The following ISY1 variants were observed in gnomAD, a reference collection of about 807,000 sequenced individuals.
The protein encoded by ISY1 is pre-mRNA-splicing factor ISY1 homolog.
Under a neutral mutation model 54.4 loss-of-function variants are expected in ISY1, and 12 were observed. The ratio of observed to expected loss-of-function variants is 0.22; its 90% CI spans 0.14 to 0.36. The LOEUF is 0.36. Ranked by LOEUF, ISY1 falls within the 10% of genes least tolerant of loss-of-function variation. ISY1 has a pLI of 1.00. For missense variants in ISY1, 282 were observed against 342.2 expected, an observed-to-expected ratio of 0.82 and a Z score of 1.39; for synonymous variants, 96 against 117.9, an observed-to-expected ratio of 0.81 and a Z score of 1.20.
chr3:129,144,284 AC>A, intron 6 of ISY1: 1 of 321,408 alleles, frequency 3.1e-6, no homozygotes, highest in South Asian at 2.6e-5. Context: ...TAGGCAAGAC[AC>A]CCAAGAGAAG....
chr3:129,154,816 G>A (rs1937088098), intron 5 of ISY1, among the ~76,000 whole-genome samples: 1 of 151,266 alleles, frequency 6.6e-6, no homozygotes, highest in Non-Finnish European at 1.5e-5. Context: ...AGCCTCCCAA[G>A]TAGCTGGGAT....
chr3:129,149,788 CAAA>C (rs369302599), intron 5 of ISY1, among the ~76,000 whole-genome samples: 1 of 83,574 alleles, frequency 1.2e-5, no homozygotes, highest in Non-Finnish European at 2.2e-5. Context: ...GACTCCAACT[CAAA>C]AAAAAAAAAA....
chr3:129,147,584 C>A (rs1468638939), intron 5 of ISY1, among the ~76,000 whole-genome samples: 3 of 152,092 alleles, frequency 2.0e-5, no homozygotes, highest in African/African-American at 7.2e-5. Context: ...AAAGCCAAGG[C>A]ATCTTGGAGA....
intron 6 of ISY1, among the ~76,000 whole-genome samples, chr3:129,142,852 C>T (rs1460032459): frequency 2.6e-5 from 4 of 152,134 alleles, no homozygotes; most frequent in African/African-American, 9.7e-5. Context: ...GTAGGGAGTT[C>T]GAGACCAGCC....
At position 129,134,466 on chromosome 3, in the gene ISY1, G is replaced by T. The variant is rs537885149; in HGVS notation, c.542-271C>A. 6.6e-5 allele frequency among the ~76,000 whole-genome samples: 10 copies of T among 152,316 alleles called. No homozygotes were observed. The South Asian group carries it at 1.9e-3, about 28-fold the overall frequency. On this transcript the variant is annotated intron_variant, in intron 8 of 10. Transcript: ENST00000393295. ...GAGTGGATTCCCAACATGTCCACAT[G>T]AAAAGAGAGAAGGCAGGGGCAGAGC...
chr3:129,154,456 A>AAC (rs1560022674), intron 5 of ISY1, among the ~76,000 whole-genome samples: 8 of 148,894 alleles, frequency 5.4e-5, no homozygotes, highest in Admixed American at 1.3e-4. Context: ...AAAAAAAAAA[A>AAC]AAAAAAAGGA....
chr3:129,130,995 T>C (rs1023100528), intron 9 of ISY1, among the ~76,000 whole-genome samples: 2 of 152,260 alleles, frequency 1.3e-5, no homozygotes, highest in African/African-American at 4.8e-5. Context: ...TGTAAAAGAA[T>C]GTACCATGCA....
chr3:129,151,485 C>G (rs193112745), intron 5 of ISY1, among the ~76,000 whole-genome samples: 1 of 151,488 alleles, frequency 6.6e-6, no homozygotes, highest in Admixed American at 6.6e-5. Context: ...AAAAATTGGC[C>G]GGGCATGGTG....
At position 129,130,030 on chromosome 3, in the gene ISY1, T is replaced by C; in HGVS notation, c.*51A>G. ...AGCCTGTGTCTGCAGCCCTGGGTCC[T>C]GAGGTACCACTGGGGGATGGAAGAA... On this transcript the variant is annotated 3_prime_UTR_variant, in exon 11 of 11. Coordinates refer to ENST00000393295, the MANE Select transcript of ISY1 (RefSeq NM_020701.4). 1.4e-6 allele frequency: 2 copies of C among 1,432,040 alleles called. No individual in the cohort carries two copies. The highest frequency in any genetic ancestry group is 1.4e-5 in the South Asian group (1 of 72,752). 88.7% of individuals were successfully genotyped at this position (1,432,040 alleles called of 1,614,324 possible).
intron 1 of ISY1, 116 bp from the exon 2 acceptor site, chr3:129,159,292 G>T: frequency 7.5e-7 from 1 of 1,334,830 alleles, no homozygotes; most frequent in Non-Finnish European, 1.0e-6. Context: ...ACCACTTGAA[G>T]TACTATATGA....
Position 129,127,731 on chromosome 3 carries a change from C to G in ISY1, c.*2350G>C, listed in dbSNP as rs1252923850. On this transcript the variant is annotated 3_prime_UTR_variant, in exon 11 of 11. Coordinates refer to ENST00000393295, the MANE Select transcript of ISY1 (RefSeq NM_020701.4). ...TCTAATCCCTGGCCAGTTTGCATCC[C>G]GGGGATCCCTGAAGAGATCCCAGGA... 1 of 152,378 alleles carries G rather than the reference C, an allele frequency of 6.6e-6. No individual in the cohort carries two copies. Among genetic ancestry groups the G allele is most frequent in the Non-Finnish European group, 1.5e-5 (1 of 68,132 alleles). 9.4% of individuals were successfully genotyped at this position (152,378 alleles called of 1,614,324 possible).
At position 129,127,614 on chromosome 3, in the gene ISY1, C is replaced by A. The variant is rs1490889862; in HGVS notation, c.*2467G>T. ...TAGGACCCTCTAGGGCCTTTGGGCA[C>A]AGACAAGTAGCAAGGGCCTCTGCCA... On this transcript the variant is annotated 3_prime_UTR_variant, in exon 11 of 11. Coordinates refer to ENST00000393295, the MANE Select transcript of ISY1 (RefSeq NM_020701.4). 15 of 152,250 alleles carry A rather than the reference C, an allele frequency of 9.9e-5. No individual in the cohort carries two copies. The highest frequency in any genetic ancestry group is 9.8e-4 in the Admixed American group (15 of 15,276). The allele number at this position is 152,250 out of a possible 1,614,324, so 9.4% of individuals were successfully genotyped here. A position where few individuals can be genotyped will look rare whatever the true frequency, so the allele number is the denominator to read the frequency against.
At chr3:129,133,036 C>T (rs1007512917) in intron 9 of ISY1, among the ~76,000 whole-genome samples, 2 of 152,186 alleles carry the variant, frequency 1.3e-5, no homozygotes, top group African/African-American at 4.8e-5. Flanking sequence ...ATCAGATCCA[C>T]CTAGACCTGT....
At chr3:129,137,726 C>CCGG (rs1441883089) in intron 7 of ISY1, among the ~76,000 whole-genome samples, 3 of 144,010 alleles carry the variant, frequency 2.1e-5, no homozygotes, top group Non-Finnish European at 4.6e-5. Context: ...CTGGCTAACA[C>CCGG]GGTGAAACCC....
At chr3:129,134,805 T>A in intron 8 of ISY1, 27 bp downstream of exon 8, 2 of 1,589,086 alleles carry the variant, frequency 1.3e-6, no homozygotes, top group Non-Finnish European at 1.7e-6. Flanking sequence ...TGCCATCTAT[T>A]ATGAAATAAA....
chr3:129,151,188 TA>T (rs1207245084), intron 5 of ISY1, among the ~76,000 whole-genome samples: 1 of 147,520 alleles, frequency 6.8e-6, no homozygotes, highest in African/African-American at 2.5e-5. Context: ...TATAAATATA[TA>T]AAAATATATA....
At chr3:129,144,537 A>G (rs1241942254) in intron 6 of ISY1, among the ~76,000 whole-genome samples, 1 of 152,246 alleles carries the variant, frequency 6.6e-6, no homozygotes, top group Admixed American at 6.5e-5. Context: ...TCTCATCACA[A>G]AAGTGTGAAC....
In ISY1 at chr3:129,130,681, G is replaced by C. The variant is rs754955251; in HGVS notation, c.664-45C>G. The C allele has an allele frequency of 2.5e-6, 4 of 1,603,622 alleles. No individual in the cohort carries two copies. The Admixed American group carries it at 6.8e-5, about 27-fold the overall frequency. On this transcript the variant is annotated intron_variant, in intron 9 of 10. Coordinates refer to ENST00000393295, the MANE Select transcript of ISY1 (RefSeq NM_020701.4). ...AAGTCCATCAGTAGGCGCCCAGCTA[G>C]ATAAATGCTGGCAACTCTATAAAAC... is the stretch of plus-strand genomic sequence containing the variant.
intron 1 of ISY1, among the ~76,000 whole-genome samples, chr3:129,160,344 G>C (rs1267228923): frequency 1.3e-5 from 2 of 151,796 alleles, no homozygotes; most frequent in African/African-American, 2.4e-5. Context: ...CTTTGTACCG[G>C]CACTACGTGT....
Sources: allele counts gnomAD v4.1 joint callset (sites outside exome capture counted in the v4.1 genomes callset), GRCh38; gene constraint gnomAD v4.1.1; transcripts MANE v1.5; gene names NCBI Gene and HGNC (gene_info 2026-07-23, HGNC 2026-07-21).